The following DSC2 variants were observed in gnomAD, a reference collection of about 807,000 sequenced individuals.
The protein encoded by DSC2 is desmocollin-2.
A neutral mutation model predicts 87.6 loss-of-function variants in DSC2; 51 were observed. The ratio of observed to expected loss-of-function variants is 0.58; its 90% CI spans 0.46 to 0.74. The LOEUF is 0.74. Among genes scored for constraint, DSC2 ranks in the 30% least tolerant of loss-of-function variants. DSC2 has a pLI of 0.00. For missense variants in DSC2, 1,066 were observed against 1,089.5 expected (o/e 0.98, Z 0.30); for synonymous variants, 383 against 393.2 (o/e 0.97, Z 0.31).
chr18:31,092,830 A>G (rs11874411), intron 2 of DSC2, among the ~76,000 whole-genome samples: 9,318 of 152,248 alleles, frequency 0.061, 378 homozygotes, highest in African/African-American at 0.12. Flanking sequence ...TAAAAATCCA[A>G]AAACAGTATC....
intron 11 of DSC2, among the ~76,000 whole-genome samples, chr18:31,079,292 C>T (rs1256449327): frequency 1.3e-5 from 2 of 152,060 alleles, no homozygotes; most frequent in Admixed American, 6.6e-5. Context: ...CTTACTCTGT[C>T]GCCCAGGCTA....
chr18:31,093,952 AAGG>A (rs1352884737), intron 1 of DSC2, among the ~76,000 whole-genome samples: 2 of 151,986 alleles, frequency 1.3e-5, no homozygotes, highest in Non-Finnish European at 2.9e-5. Context: ...AAAATATATC[AAGG>A]AGAAGAATAA....
At position 31,065,867 on chromosome 18, in the gene DSC2, CA is replaced by C. The variant is rs1389656248; in HGVS notation, c.*2147del. On this transcript the variant is annotated 3_prime_UTR_variant, in exon 16 of 16. Transcript: ENST00000280904. ...AACTGAACATACAAGACCCAGTCATCAGGTGATCATTATGAAGAGACATGTT... is the reference window on the plus strand; with the variant it reads ...AACTGAACATACAAGACCCAGTCATCGGTGATCATTATGAAGAGACATGTT... 1 of 152,144 alleles carries C rather than the reference CA, an allele frequency of 6.6e-6. No individual in the cohort carries two copies. The highest frequency in any genetic ancestry group is 2.4e-5 in the African/African-American group (1 of 41,428). 9.4% of individuals were successfully genotyped at this position (152,144 alleles called of 1,614,324 possible).
In DSC2 at chr18:31,064,289, A is replaced by G. The variant is rs1986561944; in HGVS notation, c.*3726T>C. ...TTACATCCACCGTGTCTTGACTTGC[A>G]TTCAAGTGTGTGGGTGGGGAGAGTG... On this transcript the variant is annotated 3_prime_UTR_variant, in exon 16 of 16. Transcript: ENST00000280904. 6.6e-6 allele frequency: 1 copy of G among 152,190 alleles called. No individual in the cohort carries two copies. Among genetic ancestry groups the G allele is most frequent in the Admixed American group, 6.5e-5 (1 of 15,268 alleles). The allele number at this position is 152,190 out of a possible 1,614,324, so 9.4% of individuals were successfully genotyped here.
At chr18:31,078,179 A>G (rs1403266302) in intron 11 of DSC2, among the ~76,000 whole-genome samples, 1 of 152,194 alleles carries the variant, frequency 6.6e-6, no homozygotes, top group African/African-American at 2.4e-5. Flanking sequence ...CCCAAATGAA[A>G]TTAGCCAGTA....
At chr18:31,087,132 C>G (rs891466362) in intron 6 of DSC2, among the ~76,000 whole-genome samples, 2 of 152,186 alleles carry the variant, frequency 1.3e-5, no homozygotes, top group South Asian at 2.1e-4. Context: ...CATTTCTAGA[C>G]AAGGTCTCCA....
chr18:31,080,270 G>C lies in DSC2; in HGVS notation c.1346C>G (p.Pro449Arg), dbSNP rs1394323673. 6.2e-7 allele frequency: 1 copy of C among 1,613,944 alleles called. No homozygotes were observed. Among genetic ancestry groups the C allele is most frequent in the Admixed American group, 1.7e-5 (1 of 60,004 alleles). Residue 449 changes from proline to arginine, a missense_variant, in exon 10 of 16, where the codon CCA (proline) becomes CGA (arginine). Pro to Arg is a moderately radical substitution (Grantham distance 103, BLOSUM62 -2). Transcript: ENST00000280904. ...TGTTGCTGTGCTCATGGCTGATCTT[G>C]GACTAGCCTCTCTGGAAAATGGAGC... Reference protein sequence around the residue: ...NEAPFSREASPRSAMSTATVT... With the variant: ...NEAPFSREASRRSAMSTATVT...
intron 9 of DSC2, among the ~76,000 whole-genome samples, chr18:31,080,936 G>GA (rs550247215): frequency 7.5e-5 from 11 of 146,278 alleles, no homozygotes; most frequent in East Asian, 4.0e-4. Flanking sequence ...GGTAAAGCTG[G>GA]AAAAAAAAAA....
chr18:31,074,615 CAA>C (rs578004417), intron 12 of DSC2, 66 bp downstream of exon 12: 1,183 of 1,195,670 alleles, frequency 9.9e-4, no homozygotes, highest in Non-Finnish European at 1.1e-3. Context: ...CTATTTCATA[CAA>C]AAAAAAAAAA....
rs1986639022 is a variant in DSC2 at position 31,066,932 on chromosome 18, T to C, written c.*1083A>G. 1 of 152,102 alleles carries C rather than the reference T, an allele frequency of 6.6e-6. No homozygotes were observed. The highest frequency in any genetic ancestry group is 1.5e-5 in the Non-Finnish European group (1 of 67,978). The allele number at this position is 152,102 out of a possible 1,614,324, so 9.4% of individuals were successfully genotyped here. Reference sequence around the variant, plus strand: ...CATCCTTGCATTACAGAACTGTAAATGTGTTGTCATACAGTAAATATCCAC... The same window carrying C: ...CATCCTTGCATTACAGAACTGTAAACGTGTTGTCATACAGTAAATATCCAC... On this transcript the variant is annotated 3_prime_UTR_variant, in exon 16 of 16. Transcript: ENST00000280904.
intron 12 of DSC2, 68 bp downstream of exon 12, chr18:31,074,615 C>CAAA: frequency 3.3e-6 from 4 of 1,209,502 alleles, no homozygotes; most frequent in Non-Finnish European, 4.6e-6. Context: ...CTATTTCATA[C>CAAA]AAAAAAAAAA....
In DSC2 at chr18:31,101,986, GCA is replaced by G; in HGVS notation, c.-17_-16del. ...GCTGCCTCCATGGAGAGGGCTCGGGGCAGGTCGCGGGCCGAGCGTCGGGCCGG... is the reference window on the plus strand; with the variant it reads ...GCTGCCTCCATGGAGAGGGCTCGGGGGGTCGCGGGCCGAGCGTCGGGCCGG... On this transcript the variant is annotated 5_prime_UTR_variant, in exon 1 of 16. Transcript: ENST00000280904. The G allele has an allele frequency of 6.6e-7, 1 of 1,506,080 alleles. No homozygotes were observed. Among genetic ancestry groups the G allele is most frequent in the South Asian group, 1.2e-5 (1 of 81,068 alleles). The allele number at this position is 1,506,080 out of a possible 1,614,324, so 93.3% of individuals were successfully genotyped here.
Position 31,086,612 on chromosome 18 carries a change from G to C in DSC2, c.906C>G (p.Gly302=), listed in dbSNP as rs776857618. ...GCTGAGATGATGTTGTGGTGATCAC[G>C]CCTGTAGTTGGATGCATAGAAAATA... ...PTLFSMHPTT[G]VITTTSSQLD... is the part of the protein sequence containing the mutation. Residue 302 remains glycine (G), a synonymous_variant, in exon 7 of 16, where the codon GGC becomes GGG. Coordinates refer to ENST00000280904, the MANE Select transcript of DSC2 (RefSeq NM_024422.6). 1 of 1,614,042 alleles carries C rather than the reference G, an allele frequency of 6.2e-7. No individual in the cohort carries two copies. Among genetic ancestry groups the C allele is most frequent in the South Asian group, 1.1e-5 (1 of 91,084 alleles).
intron 2 of DSC2, among the ~76,000 whole-genome samples, chr18:31,093,355 T>C (rs1328024491): frequency 1.3e-5 from 2 of 152,242 alleles, no homozygotes; most frequent in Admixed American, 6.5e-5. Context: ...ATGTTCACAT[T>C]GCTCAGCTCC....
intron 12 of DSC2, 58 bp from the exon 13 acceptor site, chr18:31,071,899 C>T (rs998591665): frequency 5.7e-6 from 8 of 1,412,176 alleles, no homozygotes; most frequent in Admixed American, 3.4e-5. Context: ...TTCTTCTGAA[C>T]ATAAATAACT....
rs1254345372 is a variant in DSC2, at chr18:31,065,810, C to T, written c.*2205G>A. 6.6e-6 allele frequency: 1 copy of T among 152,166 alleles called. No individual in the cohort carries two copies. Among genetic ancestry groups the T allele is most frequent in the Non-Finnish European group, 1.5e-5 (1 of 68,036 alleles). 9.4% of individuals were successfully genotyped at this position (152,166 alleles called of 1,614,324 possible). A position where few individuals can be genotyped will look rare whatever the true frequency, so the allele number is the denominator to read the frequency against. ...CAAACCAGGCAATCCCATACGAATGCCTCAGCAATCTTTGCACTACGTATT... is the reference window on the plus strand; with the variant it reads ...CAAACCAGGCAATCCCATACGAATGTCTCAGCAATCTTTGCACTACGTATT... On this transcript the variant is annotated 3_prime_UTR_variant, in exon 16 of 16. Coordinates refer to ENST00000280904, the MANE Select transcript of DSC2 (RefSeq NM_024422.6).
intron 7 of DSC2, 75 bp from the exon 8 acceptor site, chr18:31,083,135 TA>T: frequency 6.5e-7 from 1 of 1,533,602 alleles, no homozygotes. Context: ...TTACACTCCA[TA>T]ATTTTTTTGC....
rs1986487638 is a variant in DSC2, at chr18:31,060,894, G to A, written c.*7121C>T. 6.6e-6 allele frequency: 1 copy of A among 152,028 alleles called. No homozygotes were observed. The highest frequency in any genetic ancestry group is 2.4e-5 in the African/African-American group (1 of 41,380). 9.4% of individuals were successfully genotyped at this position (152,028 alleles called of 1,614,324 possible). On this transcript the variant is annotated 3_prime_UTR_variant, in exon 16 of 16. Transcript: ENST00000280904. ...ACTCATCAATGTGTTTCAACTCTTT[G>A]GTACATTTCTAGCATTTTGCTTAAT...
chr18:31,080,923 T>A (rs1987198831), intron 9 of DSC2, among the ~76,000 whole-genome samples: 1 of 152,054 alleles, frequency 6.6e-6, no homozygotes, highest in South Asian at 2.1e-4. Flanking sequence ...GATTCAGTAC[T>A]TGGGTAAAGC....
Sources: gnomAD v4.1 joint callset for allele counts (sites outside exome capture counted in the v4.1 genomes callset) on GRCh38, gnomAD v4.1.1 for gene constraint, MANE v1.5 for transcripts, NCBI Gene and HGNC (gene_info 2026-07-23, HGNC 2026-07-21) for gene names.